The following FGGY variants were observed in gnomAD, a reference collection of about 807,000 sequenced individuals.
FGGY encodes the protein FGGY carbohydrate kinase domain containing.
A neutral mutation model predicts 71.3 loss-of-function variants in FGGY; 72 were observed. The observed-to-expected ratio is 1.01, with a 90% confidence interval of 0.84 to 1.23. The LOEUF is 1.23. FGGY is among the 50% of genes most tolerant of loss of function. The pLI, the probability that FGGY is intolerant of heterozygous loss-of-function variation, is 0.00. For synonymous variants in FGGY, 251 were observed against 250.3 expected (o/e 1.00, Z -0.02); for missense variants, 668 against 682.3 (o/e 0.98, Z 0.23).
At chr1:59,694,815 G>A (rs2097642361) in intron 14 of FGGY, among the ~76,000 whole-genome samples, 1 of 151,838 alleles carries the variant, frequency 6.6e-6, no homozygotes, top group Non-Finnish European at 1.5e-5. Context: ...GTACTTCACA[G>A]TACCCAGCTC....
chr1:59,620,021 C>T (rs2153834148), intron 9 of FGGY, among the ~76,000 whole-genome samples: 1 of 151,982 alleles, frequency 6.6e-6, no homozygotes, highest in African/African-American at 2.4e-5. Context: ...AAGAGAGAGG[C>T]CAAGGCTTGA....
chr1:59,406,847 A>G (rs1443580348), intron 5 of FGGY, among the ~76,000 whole-genome samples: 1 of 151,408 alleles, frequency 6.6e-6, no homozygotes, highest in African/African-American at 2.5e-5. Context: ...CTTAAATTAT[A>G]TATGCATATA....
At chr1:59,530,201 A>G (rs188292831) in intron 7 of FGGY, among the ~76,000 whole-genome samples, 63 of 152,306 alleles carry the variant, frequency 4.1e-4, no homozygotes, top group Non-Finnish European at 7.5e-4. Flanking sequence ...CTGAGAAAAC[A>G]CTTGCCATAG....
chr1:59,628,546 T>A (rs972038247), intron 10 of FGGY, among the ~76,000 whole-genome samples: 3 of 152,222 alleles, frequency 2.0e-5, no homozygotes, highest in Admixed American at 2.0e-4. Context: ...AGATTAATAG[T>A]ATTGTTATTT....
intron 14 of FGGY, among the ~76,000 whole-genome samples, chr1:59,732,424 A>G (rs2098044532): frequency 6.6e-6 from 1 of 152,200 alleles, no homozygotes; most frequent in Non-Finnish European, 1.5e-5. Context: ...TTGGAAGAAC[A>G]GCTGGGAGTT....
chr1:59,339,474 T>TA (rs2050221334), intron 2 of FGGY, among the ~76,000 whole-genome samples: 1 of 151,606 alleles, frequency 6.6e-6, no homozygotes, highest in Non-Finnish European at 1.5e-5. Flanking sequence ...TTATTATTAT[T>TA]TTTTTTTGAG....
At chr1:59,669,093 TG>T (rs1349870742) in intron 13 of FGGY, among the ~76,000 whole-genome samples, 1 of 151,976 alleles carries the variant, frequency 6.6e-6, no homozygotes, top group Non-Finnish European at 1.5e-5. Context: ...TATGTGTCAG[TG>T]TGAATCACGC....
intron 9 of FGGY, among the ~76,000 whole-genome samples, chr1:59,611,427 C>A (rs1468698002): frequency 6.6e-6 from 1 of 152,216 alleles, no homozygotes; most frequent in Non-Finnish European, 1.5e-5. Flanking sequence ...AACAGACCTG[C>A]AGCTGAGGGT....
intron 14 of FGGY, among the ~76,000 whole-genome samples, chr1:59,756,906 T>TTG: frequency 6.6e-6 from 1 of 151,676 alleles, no homozygotes; most frequent in South Asian, 2.1e-4. Flanking sequence ...AGATTTTTTT[T>TTG]TTTTTTTTAC....
intron 8 of FGGY, among the ~76,000 whole-genome samples, chr1:59,556,283 C>A (rs139449034): frequency 6.6e-6 from 1 of 152,298 alleles, no homozygotes; most frequent in African/African-American, 2.4e-5. Flanking sequence ...ATTTTTACCC[C>A]ACTCAATTCA....
At chr1:59,563,821 T>C (rs1376040741) in intron 8 of FGGY, among the ~76,000 whole-genome samples, 2 of 152,178 alleles carry the variant, frequency 1.3e-5, no homozygotes, top group Admixed American at 6.5e-5. Context: ...CAAAACAGTA[T>C]GGTACTGGTA....
intron 6 of FGGY, among the ~76,000 whole-genome samples, chr1:59,479,272 G>A (rs2093382513): frequency 1.3e-5 from 2 of 152,148 alleles, no homozygotes; most frequent in Admixed American, 1.3e-4. Context: ...TCAGAGTGTG[G>A]GGGGAGAGAG....
At chr1:59,611,445 G>C (rs898170794) in intron 9 of FGGY, among the ~76,000 whole-genome samples, 8 of 152,158 alleles carry the variant, frequency 5.3e-5, no homozygotes, top group Non-Finnish European at 1.2e-4. Flanking sequence ...GGTCCTGACT[G>C]TTAGAAGGAA....
At chr1:59,443,302 G>T (rs138299401) in intron 5 of FGGY, among the ~76,000 whole-genome samples, 9 of 152,224 alleles carry the variant, frequency 5.9e-5, no homozygotes, top group African/African-American at 2.2e-4. Flanking sequence ...TAGCCAAAAA[G>T]AATTGAAATG....
intron 15 of FGGY, among the ~76,000 whole-genome samples, chr1:59,760,524 C>T (rs529729503): frequency 2.0e-5 from 3 of 152,008 alleles, no homozygotes; most frequent in East Asian, 1.9e-4. Context: ...TTCATGATAG[C>T]GAAAATCATG....
intron 15 of FGGY, among the ~76,000 whole-genome samples, chr1:59,759,734 C>A (rs79915973): frequency 0.016 from 2,429 of 152,300 alleles, 68 homozygotes; most frequent in African/African-American, 0.055. Context: ...ACACTGTTAA[C>A]GATGTGGGAC....
At chr1:59,407,894 T>G (rs1287545224) in intron 5 of FGGY, among the ~76,000 whole-genome samples, 1 of 152,202 alleles carries the variant, frequency 6.6e-6, no homozygotes, top group African/African-American at 2.4e-5. Flanking sequence ...TACATGTAAA[T>G]TGTTCATCAT....
intron 2 of FGGY, among the ~76,000 whole-genome samples, chr1:59,329,149 T>C (rs1489070561): frequency 6.6e-6 from 1 of 152,200 alleles, no homozygotes; most frequent in African/African-American, 2.4e-5. Context: ...TGATACCAGA[T>C]ATGCCTGAGG....
intron 3 of FGGY, among the ~76,000 whole-genome samples, chr1:59,343,852 C>T (rs1186808841): frequency 1.3e-5 from 2 of 152,096 alleles, no homozygotes; most frequent in Non-Finnish European, 2.9e-5. Flanking sequence ...ATTGGTCTGT[C>T]TTTACTATAG....
Sources: allele counts gnomAD v4.1 joint callset (sites outside exome capture counted in the v4.1 genomes callset), GRCh38; gene constraint gnomAD v4.1.1; transcripts MANE v1.5; gene names NCBI Gene and HGNC (gene_info 2026-07-23, HGNC 2026-07-21).